The following PRR5L variants were observed in gnomAD, a reference collection of about 807,000 sequenced individuals.
PRR5L encodes the protein proline-rich protein 5-like.
PRR5L carries 21 observed loss-of-function variants against 36.4 expected under a neutral mutation model. That is an observed-to-expected ratio of 0.58 (90% CI 0.41 to 0.83). The LOEUF (loss-of-function observed/expected upper bound fraction) is 0.83. Ranked by LOEUF, PRR5L falls within the 40% of genes least tolerant of loss-of-function variation. PRR5L has a pLI of 0.00. For missense variants in PRR5L, 381 were observed against 473.3 expected (o/e 0.80, Z 1.81); for synonymous variants, 188 against 197.0 (o/e 0.95, Z 0.38).
intron 1 of PRR5L, among the ~76,000 whole-genome samples, chr11:36,309,340 A>G (rs1212491885): frequency 6.6e-6 from 1 of 152,226 alleles, no homozygotes; most frequent in Non-Finnish European, 1.5e-5. Context: ...AGAGCACTAG[A>G]CATGGTGAGG....
At position 36,377,922 on chromosome 11, in the gene PRR5L, A is replaced by G. The variant is rs1422358321; in HGVS notation, c.-125-23075A>G. On this transcript the variant is annotated intron_variant, in intron 1 of 8. Coordinates refer to ENST00000530639, the MANE Select transcript of PRR5L (RefSeq NM_001160167.2). The surrounding 1 kb of genome is among the most constrained non-coding windows in gnomAD (Gnocchi z 5.1). ...ATTCTGGACCTGTTGCCCAGACGAC[A>G]CGTGCACATTCAGATGACCCATGCT... is the stretch of plus-strand genomic sequence containing the variant. Among the ~76,000 whole-genome samples, 4 of 152,146 alleles carry G rather than the reference A, an allele frequency of 2.6e-5. No individual in the cohort carries two copies. The highest frequency in any genetic ancestry group is 4.8e-5 in the African/African-American group (2 of 41,440).
Position 36,401,042 on chromosome 11 carries a change from G to T in PRR5L, c.-80G>T. 1.3e-6 allele frequency: 2 copies of T among 1,551,492 alleles called. No homozygotes were observed. Among genetic ancestry groups the T allele is most frequent in the South Asian group, 1.2e-5 (1 of 81,348 alleles). Reference sequence around the variant, plus strand: ...TTTAAGAAAGCCTGAGGGCCTGAAGGCAGCCCCTGGAGAAGCCCTTTCCGA... The same window carrying T: ...TTTAAGAAAGCCTGAGGGCCTGAAGTCAGCCCCTGGAGAAGCCCTTTCCGA... On this transcript the variant is annotated 5_prime_UTR_variant, in exon 2 of 9. Transcript: ENST00000530639.
chr11:36,334,055 G>A (rs1451176165), intron 1 of PRR5L, among the ~76,000 whole-genome samples: 1 of 152,148 alleles, frequency 6.6e-6, no homozygotes, highest in African/African-American at 2.4e-5. Flanking sequence ...CTGCACCATG[G>A]AGGAAGGGCC....
intron 7 of PRR5L, 89 bp downstream of exon 7, chr11:36,446,529 T>C: frequency 6.6e-7 from 1 of 1,506,832 alleles, no homozygotes; most frequent in Admixed American, 1.8e-5. Context: ...AGGAACCTAG[T>C]GACCAGAGCA....
chr11:36,329,247 T>C (rs1201536196), intron 1 of PRR5L: 2 of 152,196 alleles, frequency 1.3e-5, no homozygotes, highest in African/African-American at 4.8e-5. Flanking sequence ...GAAGATGAGG[T>C]GTTCTAGTGA....
intron 1 of PRR5L, among the ~76,000 whole-genome samples, chr11:36,374,831 GAGT>G (rs1857237064): frequency 6.6e-6 from 1 of 152,200 alleles, no homozygotes; most frequent in Admixed American, 6.5e-5. Context: ...CTAATAACCA[GAGT>G]ATGGGAAGAA....
intron 1 of PRR5L, among the ~76,000 whole-genome samples, chr11:36,310,559 A>G (rs892335192): frequency 5.9e-5 from 9 of 152,224 alleles, no homozygotes; most frequent in Non-Finnish European, 1.3e-4. Context: ...TGAATTGTCA[A>G]GAAAATTACC....
At chr11:36,434,635 G>A (rs1476171035) in intron 5 of PRR5L, among the ~76,000 whole-genome samples, 3 of 152,154 alleles carry the variant, frequency 2.0e-5, no homozygotes, top group African/African-American at 7.2e-5. Context: ...GACCTAAACT[G>A]CTGCGTTACA....
At chr11:36,354,515 A>G (rs1040520539) in intron 1 of PRR5L, among the ~76,000 whole-genome samples, 66 of 152,346 alleles carry the variant, frequency 4.3e-4, no homozygotes, top group African/African-American at 1.6e-3. Context: ...TATGCACAGA[A>G]GCAGTGAGAG....
chr11:36,336,815 T>C (rs959442412), intron 1 of PRR5L, among the ~76,000 whole-genome samples: 1 of 152,168 alleles, frequency 6.6e-6, no homozygotes, highest in Admixed American at 6.5e-5. Flanking sequence ...TTTTCTAAAC[T>C]GCATAGCAAT....
chr11:36,345,909 G>A lies in PRR5L; in HGVS notation c.-126+49471G>A, dbSNP rs60507826. Among the ~76,000 whole-genome samples the A allele has an allele frequency of 5.9e-3, 900 of 152,264 alleles. 13 individuals carry two copies. The highest frequency in any genetic ancestry group is 0.02 in the African/African-American group (845 of 41,566). On this transcript the variant is annotated intron_variant, in intron 1 of 8. Transcript: ENST00000530639. Reference sequence around the variant, plus strand: ...TTCCTAAAAGTATAATTCCTTTCACGGGAGCGTGGCAACACCCAGGGCTGG... The same window carrying A: ...TTCCTAAAAGTATAATTCCTTTCACAGGAGCGTGGCAACACCCAGGGCTGG...
At chr11:36,401,731 C>A (rs946985396) in intron 2 of PRR5L, among the ~76,000 whole-genome samples, 3 of 152,184 alleles carry the variant, frequency 2.0e-5, no homozygotes, top group Admixed American at 2.0e-4. Flanking sequence ...CTGCACCTGG[C>A]CAAGAGAGCA....
chr11:36,388,306 G>A (rs959614129), intron 1 of PRR5L: 12 of 152,216 alleles, frequency 7.9e-5, no homozygotes, highest in Non-Finnish European at 1.3e-4. Context: ...ATCAGAAGCT[G>A]AATCCTGACT....
intron 1 of PRR5L, among the ~76,000 whole-genome samples, chr11:36,380,223 C>T (rs1857344561): frequency 6.6e-6 from 1 of 152,066 alleles, no homozygotes; most frequent in African/African-American, 2.4e-5. Context: ...GTAGTGATGC[C>T]ACAGAAGAAG....
In PRR5L at chr11:36,317,419, T is replaced by A. The variant is rs189874736; in HGVS notation, c.-126+20981T>A. On this transcript the variant is annotated intron_variant, in intron 1 of 8. Transcript: ENST00000530639. ...AATGAACTTTGCTATGTAAACTGTTTAGCATGCACCAAATGGTAGAGATAG... is the reference window on the plus strand; with the variant it reads ...AATGAACTTTGCTATGTAAACTGTTAAGCATGCACCAAATGGTAGAGATAG... Among the ~76,000 whole-genome samples, 226 of 152,328 alleles carry A rather than the reference T, an allele frequency of 1.5e-3. 1 individual carries two copies. The highest frequency in any genetic ancestry group is 5.0e-3 in the African/African-American group (206 of 41,582).
chr11:36,346,110 A>G (rs533616139), intron 1 of PRR5L, among the ~76,000 whole-genome samples: 1 of 152,188 alleles, frequency 6.6e-6, no homozygotes, highest in Non-Finnish European at 1.5e-5. Context: ...GATTTATTTC[A>G]AAAAATAAAT....
chr11:36,374,085 CCTTCCTTCCTTCCTTCCTTCCTCT>C (rs766890999), intron 1 of PRR5L, among the ~76,000 whole-genome samples: 271 of 117,420 alleles, frequency 2.3e-3, no homozygotes, highest in Admixed American at 3.7e-3. Flanking sequence ...TTCCTTCCTT[CCTTCCTTCCTTCCTTCCTTCCTCT>C]CTCTCTCTCT....
At chr11:36,390,307 T>C (rs1164009731) in intron 1 of PRR5L, among the ~76,000 whole-genome samples, 1 of 152,106 alleles carries the variant, frequency 6.6e-6, no homozygotes, top group Non-Finnish European at 1.5e-5. Flanking sequence ...GGAAGGGTCC[T>C]GAGGTGGGGC....
At chr11:36,374,271 T>A (rs565045734) in intron 1 of PRR5L, among the ~76,000 whole-genome samples, 97 of 152,024 alleles carry the variant, frequency 6.4e-4, no homozygotes, top group African/African-American at 2.3e-3. Context: ...ATTTTTGTAT[T>A]TTTAGTAGAG....
Sources: allele counts gnomAD v4.1 joint callset (sites outside exome capture counted in the v4.1 genomes callset), GRCh38; gene constraint gnomAD v4.1.1; non-coding constraint Gnocchi (gnomAD v3.1); transcripts MANE v1.5; gene names NCBI Gene and HGNC (gene_info 2026-07-23, HGNC 2026-07-21).